The following MAP4K4 variants were observed in gnomAD, a reference collection of about 807,000 sequenced individuals.
MAP4K4 encodes the protein mitogen-activated protein kinase kinase kinase kinase 4, also known as HPK/GCK-like kinase HGK.
A neutral mutation model predicts 189.6 loss-of-function variants in MAP4K4; 38 were observed. The ratio of observed to expected loss-of-function variants is 0.20; its 90% CI spans 0.15 to 0.26. The LOEUF (loss-of-function observed/expected upper bound fraction) is 0.26, where lower values mean the gene tolerates loss of function less well. Ranked by LOEUF, MAP4K4 falls within the 10% of genes least tolerant of loss-of-function variation. The pLI, the probability that MAP4K4 is intolerant of heterozygous loss-of-function variation, is 1.00. For synonymous variants in MAP4K4, 610 were observed against 624.3 expected (o/e 0.98, Z 0.34); for missense variants, 1,054 against 1,726.9 (o/e 0.61, Z 6.91).
chr2:101,856,156 A>G lies in MAP4K4; in HGVS notation c.1395+18A>G. On this transcript the variant is annotated intron_variant, in intron 13 of 32. Transcript: ENST00000324219. ...GAGAACAGGTTAGTTCACAGATAAC[A>G]TAGCAGGCATACACTTGTGAAGTTT... is the stretch of plus-strand genomic sequence containing the variant. 1 of 1,547,380 alleles carries G rather than the reference A, an allele frequency of 6.5e-7. No homozygotes were observed.
At chr2:101,737,447 ATATATATATATATATTTTTTT>A (rs1245699929) in intron 2 of MAP4K4, among the ~76,000 whole-genome samples, 534 of 33,252 alleles carry the variant, frequency 0.016, 5 homozygotes, top group Admixed American at 0.033. Context: ...ATATATATAT[ATATATATATATATATTTTTTT>A]TTTTTTTTTT....
intron 7 of MAP4K4, 87 bp downstream of exon 7, chr2:101,831,938 G>A (rs187644557): frequency 6.8e-7 from 1 of 1,463,104 alleles, no homozygotes; most frequent in African/African-American, 1.4e-5. Context: ...CACACCCCTT[G>A]TCTGCCTGCC....
chr2:101,866,933 G>A (rs2097834849), intron 19 of MAP4K4, among the ~76,000 whole-genome samples: 1 of 151,406 alleles, frequency 6.6e-6, no homozygotes, highest in African/African-American at 2.4e-5. Context: ...CATAATAGAT[G>A]AGTGAATATT....
chr2:101,777,428 C>T (rs1232018861), intron 2 of MAP4K4, among the ~76,000 whole-genome samples: 1 of 152,310 alleles, frequency 6.6e-6, no homozygotes, highest in East Asian at 1.9e-4. Context: ...GGTAGTGGAG[C>T]TAGCGTATCC....
chr2:101,780,853 C>T (rs1406493344), intron 2 of MAP4K4, among the ~76,000 whole-genome samples: 2 of 152,184 alleles, frequency 1.3e-5, no homozygotes, highest in Non-Finnish European at 2.9e-5. Flanking sequence ...ACCATATTGA[C>T]TAATTACTTG....
intron 9 of MAP4K4, 106 bp downstream of exon 9, chr2:101,836,084 G>A: frequency 1.3e-6 from 1 of 759,216 alleles, no homozygotes; most frequent in South Asian, 1.7e-5. Flanking sequence ...TAATTCTGGG[G>A]AACCCAAGAG....
At chr2:101,833,882 A>G (rs1281282705) in intron 7 of MAP4K4, among the ~76,000 whole-genome samples, 1 of 152,212 alleles carries the variant, frequency 6.6e-6, no homozygotes, top group Non-Finnish European at 1.5e-5. Flanking sequence ...CATGATTTCA[A>G]TTAGTGAACC....
intron 3 of MAP4K4, among the ~76,000 whole-genome samples, chr2:101,795,803 GTTTC>G (rs2093624921): frequency 1.3e-5 from 2 of 152,030 alleles, no homozygotes; most frequent in African/African-American, 4.8e-5. Flanking sequence ...TATATCTTAT[GTTTC>G]TTTGTCTTTT....
intron 5 of MAP4K4, among the ~76,000 whole-genome samples, chr2:101,827,670 C>T (rs778906436): frequency 8.5e-5 from 13 of 152,202 alleles, no homozygotes; most frequent in Non-Finnish European, 1.5e-4. Context: ...AGCCTGCACA[C>T]TGTTACCCTG....
chr2:101,840,602 C>T (rs542648543), intron 10 of MAP4K4, among the ~76,000 whole-genome samples: 8 of 152,318 alleles, frequency 5.3e-5, no homozygotes, highest in South Asian at 4.1e-4. Context: ...TTCTGTCCAG[C>T]GAGGTGCAGT....
At chr2:101,780,734 T>C (rs892477828) in intron 2 of MAP4K4, among the ~76,000 whole-genome samples, 1 of 152,224 alleles carries the variant, frequency 6.6e-6, no homozygotes, top group African/African-American at 2.4e-5. Context: ...CCTTTCTCAT[T>C]GGTCAGTTAG....
chr2:101,759,262 C>CCTTGGTCA (rs2074516589), intron 2 of MAP4K4, among the ~76,000 whole-genome samples: 1 of 151,916 alleles, frequency 6.6e-6, no homozygotes, highest in African/African-American at 2.4e-5. Context: ...CCTTTGCTTT[C>CCTTGGTCA]CTTGGTCATT....
At chr2:101,853,937 G>T (rs2097363479) in intron 12 of MAP4K4, among the ~76,000 whole-genome samples, 1 of 152,144 alleles carries the variant, frequency 6.6e-6, no homozygotes, top group African/African-American at 2.4e-5. Context: ...ATTTTCTTCA[G>T]CGGAAATTGT....
At chr2:101,712,964 C>T (rs1377272869) in intron 2 of MAP4K4, among the ~76,000 whole-genome samples, 3 of 147,252 alleles carry the variant, frequency 2.0e-5, no homozygotes, top group African/African-American at 7.6e-5. Flanking sequence ...GTGCAGTGGG[C>T]ACCATCTTGG....
chr2:101,763,666 C>G (rs550905818), intron 2 of MAP4K4, among the ~76,000 whole-genome samples: 3 of 152,266 alleles, frequency 2.0e-5, no homozygotes, highest in Admixed American at 2.0e-4. Context: ...ACAGAAGGCC[C>G]TGGCATTCAT....
chr2:101,714,070 A>G (rs2047114218), intron 2 of MAP4K4, among the ~76,000 whole-genome samples: 1 of 152,138 alleles, frequency 6.6e-6, no homozygotes, highest in South Asian at 2.1e-4. Flanking sequence ...CTCAAATCCA[A>G]TCCAGAGAGC....
chr2:101,729,101 A>AGAGAGAGAGTGTGT (rs149283961), intron 2 of MAP4K4, among the ~76,000 whole-genome samples: 40 of 130,594 alleles, frequency 3.1e-4, no homozygotes, highest in Middle Eastern at 3.8e-3. Flanking sequence ...AGAGAGAGAG[A>AGAGAGAGAGTGTGT]GTGTGTGTGT....
intron 6 of MAP4K4, among the ~76,000 whole-genome samples, chr2:101,830,759 G>A (rs756123886): frequency 1.3e-5 from 2 of 152,132 alleles, no homozygotes; most frequent in Admixed American, 6.5e-5. Flanking sequence ...GTCCCTGAGC[G>A]ATCACTTAGT....
At position 101,831,702 on chromosome 2, in the gene MAP4K4, C is replaced by T; in HGVS notation, c.509-19C>T. 1 of 1,580,304 alleles carries T rather than the reference C, an allele frequency of 6.3e-7. No homozygotes were observed. Among genetic ancestry groups the T allele is most frequent in the Non-Finnish European group, 8.6e-7 (1 of 1,161,536 alleles). The stretch of plus-strand genomic sequence containing the variant: ...GTTGTGTTTATCTTTCTTTATCTGC[C>T]TTTTTCTTCCTCCCACAGTTGACTT... On this transcript the variant is annotated intron_variant, in intron 6 of 32. Transcript: ENST00000324219.
Sources: allele counts gnomAD v4.1 joint callset (sites outside exome capture counted in the v4.1 genomes callset), GRCh38; gene constraint gnomAD v4.1.1; transcripts MANE v1.5; gene names NCBI Gene and HGNC (gene_info 2026-07-23, HGNC 2026-07-21).